ARNT2: variants seen among roughly 807,000 people sequenced by gnomAD.
ARNT2 encodes the protein ARNT protein 2.
ARNT2 carries 36 observed loss-of-function variants against 91.7 expected under a neutral mutation model. The ratio of observed to expected loss-of-function variants is 0.39; its 90% CI spans 0.30 to 0.52. The LOEUF is 0.52. Among genes scored for constraint, ARNT2 ranks in the 20% least tolerant of loss-of-function variants. ARNT2 has a pLI of 0.72. For missense variants in ARNT2, 775 were observed against 939.3 expected, an observed-to-expected ratio of 0.83 and a Z score of 2.29; for synonymous variants, 365 against 347.1, an observed-to-expected ratio of 1.05 and a Z score of -0.57.
At chr15:80,469,847 T>C (rs115802523) in intron 3 of ARNT2, among the ~76,000 whole-genome samples, 1 of 152,330 alleles carries the variant, frequency 6.6e-6, no homozygotes, top group African/African-American at 2.4e-5. Context: ...ACTTCTGGCT[T>C]TAAGTAATCT....
At chr15:80,517,584 A>G (rs1897459331) in intron 8 of ARNT2, among the ~76,000 whole-genome samples, 1 of 150,336 alleles carries the variant, frequency 6.7e-6, no homozygotes, top group Non-Finnish European at 1.5e-5. Context: ...TTCCAATTAC[A>G]CAGATATATC....
At position 80,404,568 on chromosome 15, in the gene ARNT2, G is replaced by A. The variant is rs1232847952; in HGVS notation, c.31+22G>A. 1 of 1,093,574 alleles carries A rather than the reference G, an allele frequency of 9.1e-7. No homozygotes were observed. Among genetic ancestry groups the A allele is most frequent in the Non-Finnish European group, 1.1e-6 (1 of 895,434 alleles). The allele number at this position is 1,093,574 out of a possible 1,614,324, so 67.7% of individuals were successfully genotyped here. On this transcript the variant is annotated intron_variant, in intron 1 of 18. Transcript: ENST00000303329. This position sits in a 1 kb window ranked among gnomAD's most constrained non-coding sequence, Gnocchi z 5.5. ...CCGGGTGAGTAGCGGCCTGGGCCCC[G>A]CCGCCCGCCGCAGCCCGCAGGCCTT...
intron 15 of ARNT2, among the ~76,000 whole-genome samples, chr15:80,578,302 C>T (rs1256138514): frequency 6.6e-6 from 1 of 152,114 alleles, no homozygotes; most frequent in East Asian, 2.0e-4. Flanking sequence ...TCAGGTTCTG[C>T]CTCCTGACCA....
chr15:80,559,803 G>A (rs1370574268), intron 11 of ARNT2, among the ~76,000 whole-genome samples: 1 of 152,188 alleles, frequency 6.6e-6, no homozygotes, highest in East Asian at 1.9e-4. Flanking sequence ...ATGTTGAAGG[G>A]GGCTGTTTTT....
At chr15:80,450,594 C>T (rs1896373837) in intron 1 of ARNT2, among the ~76,000 whole-genome samples, 1 of 152,196 alleles carries the variant, frequency 6.6e-6, no homozygotes, top group Non-Finnish European at 1.5e-5. Flanking sequence ...GACAGGAGTC[C>T]CTTATGAAAG....
chr15:80,511,752 G>T (rs1167983624), intron 6 of ARNT2, among the ~76,000 whole-genome samples: 1 of 152,158 alleles, frequency 6.6e-6, no homozygotes, highest in Non-Finnish European at 1.5e-5. Context: ...TCCTGCCTCA[G>T]GGGGTTGGGG....
At chr15:80,582,064 A>C (rs1057032248) in intron 17 of ARNT2, among the ~76,000 whole-genome samples, 1 of 152,212 alleles carries the variant, frequency 6.6e-6, no homozygotes, top group Non-Finnish European at 1.5e-5. Flanking sequence ...GGTGACACCC[A>C]GCAGTGCGGC....
intron 3 of ARNT2, among the ~76,000 whole-genome samples, chr15:80,460,655 G>A (rs923948253): frequency 4.6e-5 from 7 of 152,196 alleles, no homozygotes; most frequent in African/African-American, 7.2e-5. Context: ...ACAAAGTCAC[G>A]GGGACCCGGG....
chr15:80,524,694 G>A (rs1168680162), intron 8 of ARNT2, among the ~76,000 whole-genome samples: 1 of 152,026 alleles, frequency 6.6e-6, no homozygotes, highest in African/African-American at 2.4e-5. Flanking sequence ...GGCCAACATG[G>A]TGAAACCCTG....
At chr15:80,576,295 G>T (rs78097426) in intron 14 of ARNT2, among the ~76,000 whole-genome samples, 5 of 140,678 alleles carry the variant, frequency 3.6e-5, no homozygotes, top group African/African-American at 1.1e-4. Context: ...TTTTTTTTTT[G>T]AGGTGGAGTC....
Position 80,591,487 on chromosome 15 carries a change from C to A in ARNT2, c.1919-81C>A. ...ACGTGCCTTTCAGAAGCGGGAGGCC[C>A]TCCAGCCGCAGTGGTTCTTAGGTCT... On this transcript the variant is annotated intron_variant, in intron 17 of 18. Coordinates refer to ENST00000303329, the MANE Select transcript of ARNT2 (RefSeq NM_014862.4). This position sits in a 1 kb window ranked among gnomAD's most constrained non-coding sequence, Gnocchi z 5.1. The A allele has an allele frequency of 6.3e-7, 1 of 1,577,726 alleles. No homozygotes were observed. Among genetic ancestry groups the A allele is most frequent in the African/African-American group, 1.3e-5 (1 of 74,442 alleles).
At chr15:80,498,903 C>G (rs560871781) in intron 5 of ARNT2, among the ~76,000 whole-genome samples, 11 of 152,284 alleles carry the variant, frequency 7.2e-5, no homozygotes, top group African/African-American at 1.7e-4. Flanking sequence ...CTCCAGACTT[C>G]CCAGAGCAGT....
chr15:80,453,503 C>T (rs764972922), intron 2 of ARNT2, among the ~76,000 whole-genome samples: 1 of 152,196 alleles, frequency 6.6e-6, no homozygotes. Flanking sequence ...TTGCATCTGA[C>T]GTTTTTACAT....
chr15:80,406,461 G>A (rs1177466104), intron 1 of ARNT2, among the ~76,000 whole-genome samples: 1 of 152,186 alleles, frequency 6.6e-6, no homozygotes, highest in Non-Finnish European at 1.5e-5. Context: ...GATGTTAAAT[G>A]AAAACATTTT....
intron 3 of ARNT2, among the ~76,000 whole-genome samples, chr15:80,468,852 G>A (rs1286679278): frequency 6.6e-6 from 1 of 152,182 alleles, no homozygotes; most frequent in Non-Finnish European, 1.5e-5. Flanking sequence ...GATGGCTCAG[G>A]TCGCTCTGCA....
chr15:80,451,439 C>G (rs1343929440), intron 2 of ARNT2, among the ~76,000 whole-genome samples: 1 of 152,146 alleles, frequency 6.6e-6, no homozygotes, highest in Admixed American at 6.5e-5. Context: ...AATCTCAGTG[C>G]TTGAAGACCA....
At chr15:80,521,687 A>G (rs529426025) in intron 8 of ARNT2, among the ~76,000 whole-genome samples, 13 of 152,308 alleles carry the variant, frequency 8.5e-5, no homozygotes, top group African/African-American at 2.6e-4. Flanking sequence ...AGAAACGCCA[A>G]TGCCATCTTC....
At chr15:80,546,271 T>G (rs528618803) in intron 8 of ARNT2, among the ~76,000 whole-genome samples, 6 of 152,196 alleles carry the variant, frequency 3.9e-5, no homozygotes, top group Non-Finnish European at 8.8e-5. Context: ...CTTTCCTGCC[T>G]TTCGAGATGG....
intron 4 of ARNT2, among the ~76,000 whole-genome samples, chr15:80,474,582 C>T (rs1166158187): frequency 6.6e-6 from 1 of 152,180 alleles, no homozygotes; most frequent in Non-Finnish European, 1.5e-5. Context: ...TTCTCACCTT[C>T]CCCTTCCCCT....
Sources: gnomAD v4.1 joint callset for allele counts (sites outside exome capture counted in the v4.1 genomes callset) on GRCh38, gnomAD v4.1.1 for gene constraint, Gnocchi (gnomAD v3.1) non-coding constraint, MANE v1.5 for transcripts, NCBI Gene and HGNC (gene_info 2026-07-23, HGNC 2026-07-21) for gene names.